The following CCNYL1 variants were observed in gnomAD, a reference collection of about 807,000 sequenced individuals.
The protein encoded by CCNYL1 is cyclin-Y-like protein 1.
A neutral mutation model predicts 44.2 loss-of-function variants in CCNYL1; 16 were observed. The observed-to-expected ratio is 0.36, with a 90% CI of 0.25 to 0.55. The LOEUF is 0.55. Ranked by LOEUF, CCNYL1 falls within the 20% of genes least tolerant of loss-of-function variation. The probability of loss-of-function intolerance (pLI) is 0.85; values close to 1 mark genes in which losing one functional copy is unlikely to be tolerated. For missense variants in CCNYL1, 348 were observed against 451.8 expected (o/e 0.77, Z 2.08); for synonymous variants, 159 against 163.2 (o/e 0.97, Z 0.20).
chr2:207,711,981 G>C lies in CCNYL1; in HGVS notation c.85G>C (p.Ala29Pro). ...RRAGSAELYCASDIYEAVSGD... is the reference protein window; with the variant it reads ...RRAGSAELYCPSDIYEAVSGD... ...CGCGGGGTCGGCGGAGCTGTACTGC[G>C]CGTCCGACATCTACGAGGCGGTGTC... is the stretch of plus-strand genomic sequence containing the variant. The change falls in exon 1 of 10, where the codon GCG (alanine) becomes CCG (proline). Residue 29 changes from alanine (A) to proline (P), a missense_variant. Ala to Pro is a conservative substitution (Grantham distance 27). Around this residue, in one of 3 missense-constraint regions of CCNYL1, gnomAD observed 209 missense variants for 247.7 expected, o/e 0.84. Coordinates refer to ENST00000295414, the MANE Select transcript of CCNYL1 (RefSeq NM_001330218.2). 1 of 1,452,330 alleles carries C rather than the reference G, an allele frequency of 6.9e-7. No homozygotes were observed. The highest frequency in any genetic ancestry group is 9.1e-7 in the Non-Finnish European group (1 of 1,099,982). The allele number at this position is 1,452,330 out of a possible 1,614,324, so 90.0% of individuals were successfully genotyped here.
intron 5 of CCNYL1, 56 bp downstream of exon 5, chr2:207,737,502 A>G (rs974472394): frequency 2.7e-5 from 37 of 1,380,174 alleles, no homozygotes; most frequent in Non-Finnish European, 3.5e-5. Context: ...GCATGATATC[A>G]AGTTCAGTAT....
intron 6 of CCNYL1, among the ~76,000 whole-genome samples, chr2:207,741,247 C>G (rs1279266161): frequency 1.4e-5 from 2 of 145,576 alleles, no homozygotes; most frequent in Non-Finnish European, 3.0e-5. Context: ...AGTGAGACTC[C>G]ATCTCAAAAA....
At position 207,712,075 on chromosome 2, in the gene CCNYL1, G is replaced by T. The variant is rs375228940; in HGVS notation, c.179G>T (p.Gly60Val). Residue 60 changes from glycine (G) to valine (V), a missense_variant, in exon 1 of 10, where the codon GGC becomes GTC. Physicochemically the swap from Gly to Val is moderately radical, Grantham distance 109 (BLOSUM62 -3). Transcript: ENST00000295414. Reference protein sequence around the residue: ...PAELDFGEGEGHHLQHISDRE... With the variant: ...PAELDFGEGEVHHLQHISDRE... Reference sequence around the variant, plus strand: ...GAGTTGGATTTCGGAGAGGGCGAGGGCCACCACCTGCAGCACATCAGCGAC... The same window carrying T: ...GAGTTGGATTTCGGAGAGGGCGAGGTCCACCACCTGCAGCACATCAGCGAC... The T allele has an allele frequency of 6.3e-7, 1 of 1,586,124 alleles. No individual in the cohort carries two copies.
At chr2:207,727,910 A>G (rs1252388077) in intron 3 of CCNYL1, among the ~76,000 whole-genome samples, 2 of 151,380 alleles carry the variant, frequency 1.3e-5, no homozygotes, top group East Asian at 1.9e-4. Flanking sequence ...ATAGACAGAC[A>G]TATTTAGAGA....
Position 207,753,809 on chromosome 2 carries a change from A to T in CCNYL1, c.*111A>T. 1.5e-6 allele frequency: 1 copy of T among 658,390 alleles called. No homozygotes were observed. Among genetic ancestry groups the T allele is most frequent in the Non-Finnish European group, 2.6e-6 (1 of 378,442 alleles). 40.8% of individuals were successfully genotyped at this position (658,390 alleles called of 1,614,324 possible). On this transcript the variant is annotated 3_prime_UTR_variant, in exon 10 of 10. Transcript: ENST00000295414. Reference sequence around the variant, plus strand: ...AAATTAGTGTTTTCATCAAAAGGAAAGATCTCAAATTCAAGAGACTCATGG... The same window carrying T: ...AAATTAGTGTTTTCATCAAAAGGAATGATCTCAAATTCAAGAGACTCATGG...
chr2:207,728,104 C>T (rs1056561864), intron 3 of CCNYL1, among the ~76,000 whole-genome samples: 14 of 152,014 alleles, frequency 9.2e-5, no homozygotes, highest in Non-Finnish European at 4.4e-5. Flanking sequence ...GCTGGTATTA[C>T]AGGCGCCTGC....
chr2:207,753,048 T>A (rs1292711390), intron 9 of CCNYL1, among the ~76,000 whole-genome samples: 1 of 150,256 alleles, frequency 6.7e-6, no homozygotes, highest in African/African-American at 2.5e-5. Context: ...AAGAAAAAAA[T>A]AATAATATGT....
rs145250499 is a variant in CCNYL1 at position 207,742,712 on chromosome 2, G to A, written c.639+370G>A. Among the ~76,000 whole-genome samples the A allele has an allele frequency of 2.0e-4, 31 of 152,226 alleles. No individual in the cohort carries two copies. The East Asian group carries it at 5.8e-3, about 28-fold the overall frequency. On this transcript the variant is annotated intron_variant, in intron 7 of 9. Transcript: ENST00000295414. ...AGAGCCAGATACTGATTCCAGTGTAGGTCTAAGCCAAGTCCCAGGCTCTAT... is the reference window on the plus strand; with the variant it reads ...AGAGCCAGATACTGATTCCAGTGTAAGTCTAAGCCAAGTCCCAGGCTCTAT...
chr2:207,729,808 C>T (rs1029680934), intron 3 of CCNYL1, among the ~76,000 whole-genome samples: 1 of 152,160 alleles, frequency 6.6e-6, no homozygotes, highest in Non-Finnish European at 1.5e-5. Flanking sequence ...CTCTTCCTCC[C>T]GAGTTCAAGT....
At chr2:207,712,170 C>A in intron 1 of CCNYL1, 54 bp downstream of exon 1, 1 of 1,459,470 alleles carries the variant, frequency 6.9e-7, no homozygotes, top group East Asian at 2.6e-5. Context: ...CCCGCCTCCT[C>A]CCCCAGAGTC....
chr2:207,718,611 A>C (rs765524272), intron 1 of CCNYL1, among the ~76,000 whole-genome samples: 1 of 152,216 alleles, frequency 6.6e-6, no homozygotes, highest in Non-Finnish European at 1.5e-5. Flanking sequence ...CTTCACACTT[A>C]AGAGAAATAC....
At chr2:207,745,409 G>A (rs867462408) in intron 7 of CCNYL1, among the ~76,000 whole-genome samples, 1 of 152,170 alleles carries the variant, frequency 6.6e-6, no homozygotes, top group African/African-American at 2.4e-5. Context: ...CAGCTTACCC[G>A]TAAAGGCAAC....
chr2:207,732,594 GT>G lies in CCNYL1; in HGVS notation c.331-1343del, dbSNP rs5838086. On this transcript the variant is annotated intron_variant, in intron 3 of 9. Coordinates refer to ENST00000295414, the MANE Select transcript of CCNYL1 (RefSeq NM_001330218.2). ...GAAGAAGGAAGGCTCATCTGAATTA[GT>G]TTTTTTTTTAAGTGTTAAAATTATT... is the stretch of plus-strand genomic sequence containing the variant. Among the ~76,000 whole-genome samples, 95 of 149,404 alleles carry G rather than the reference GT, an allele frequency of 6.4e-4. 2 individuals carry two copies. Among genetic ancestry groups the G allele is most frequent in the African/African-American group, 2.0e-3 (82 of 40,930 alleles).
intron 8 of CCNYL1, among the ~76,000 whole-genome samples, chr2:207,749,210 C>T (rs1366331355): frequency 6.6e-6 from 1 of 152,192 alleles, no homozygotes; most frequent in Non-Finnish European, 1.5e-5. Context: ...AGCTATGCTA[C>T]AAACAGGCTG....
intron 2 of CCNYL1, among the ~76,000 whole-genome samples, chr2:207,726,490 A>T (rs2091680737): frequency 6.6e-6 from 1 of 152,216 alleles, no homozygotes; most frequent in African/African-American, 2.4e-5. Flanking sequence ...AGCTACCTGT[A>T]AATGTAGAAT....
chr2:207,752,185 A>AG (rs1229734592), intron 9 of CCNYL1, among the ~76,000 whole-genome samples: 1 of 152,148 alleles, frequency 6.6e-6, no homozygotes, highest in Non-Finnish European at 1.5e-5. Flanking sequence ...TTTTAGACAA[A>AG]GGATTAGTGG....
chr2:207,737,693 TA>T (rs201520434), intron 5 of CCNYL1, among the ~76,000 whole-genome samples: 2,873 of 146,730 alleles, frequency 0.02, 101 homozygotes, highest in East Asian at 0.12. Context: ...GTTGAGAATT[TA>T]AAAAAAAAAA....
At chr2:207,713,501 G>T (rs111883792) in intron 1 of CCNYL1, among the ~76,000 whole-genome samples, 1 of 152,164 alleles carries the variant, frequency 6.6e-6, no homozygotes, top group African/African-American at 2.4e-5. Flanking sequence ...TAGAATTTTG[G>T]AAAGAGATAA....
chr2:207,715,666 C>T (rs1463663599), intron 1 of CCNYL1, among the ~76,000 whole-genome samples: 1 of 149,092 alleles, frequency 6.7e-6, no homozygotes, highest in East Asian at 2.0e-4. Context: ...AGGTGTGAGC[C>T]ACCGCGCCTG....
Sources: gnomAD v4.1 joint callset for allele counts (sites outside exome capture counted in the v4.1 genomes callset) on GRCh38, gnomAD v4.1.1 for gene constraint, gnomAD v4.1.1 regional missense constraint, MANE v1.5 for transcripts, NCBI Gene and HGNC (gene_info 2026-07-23, HGNC 2026-07-21) for gene names.